The following CHTF8 variants were observed in gnomAD, a reference collection of about 807,000 sequenced individuals.
CHTF8 encodes chromosome transmission fidelity protein 8 homolog.
Under a neutral mutation model 11.0 loss-of-function variants are expected in CHTF8, and 6 were observed. The observed-to-expected ratio is 0.55, with a 90% confidence interval of 0.30 to 1.08. The LOEUF (loss-of-function observed/expected upper bound fraction) is 1.08. Among genes scored for constraint, CHTF8 ranks in the 50% least tolerant of loss-of-function variants. The pLI, the probability that CHTF8 is intolerant of heterozygous loss-of-function variation, is 0.07. For missense variants in CHTF8, 140 were observed against 153.1 expected (o/e 0.91, Z 0.45); for synonymous variants, 53 against 60.5 (o/e 0.88, Z 0.57).
chr16:69,130,041 T>C (rs1452398573), intron 1 of CHTF8, among the ~76,000 whole-genome samples: 1 of 152,254 alleles, frequency 6.6e-6, no homozygotes, highest in African/African-American at 2.4e-5. Flanking sequence ...CAAGTATTCA[T>C]TTTAATCTTC....
At chr16:69,125,003 C>G (rs1961956460) in intron 1 of CHTF8, among the ~76,000 whole-genome samples, 1 of 152,066 alleles carries the variant, frequency 6.6e-6, no homozygotes. Flanking sequence ...CTCCCGAATT[C>G]AAGCAATTCT....
rs145039382 is a variant in CHTF8 at position 69,127,394 on chromosome 16, TAAG to T, written c.-36+5087_-36+5089del. On this transcript the variant is annotated intron_variant, in intron 1 of 3. Transcript: ENST00000448552. The stretch of plus-strand genomic sequence containing the variant: ...AGCATAACAATGGAAATTATCTGTA[TAAG>T]AAGAATATGTCTAAGTCTTCAGTCT... Among the ~76,000 whole-genome samples the T allele has an allele frequency of 4.9e-3, 749 of 152,168 alleles. 23 individuals are homozygous for T. The East Asian group carries it at 0.07, about 14-fold the overall frequency.
chr16:69,131,804 T>C (rs1962544840), intron 1 of CHTF8, among the ~76,000 whole-genome samples: 1 of 151,398 alleles, frequency 6.6e-6, no homozygotes. Context: ...GGTTCTCAAG[T>C]ACTCCACTCC....
intron 1 of CHTF8, among the ~76,000 whole-genome samples, chr16:69,127,988 C>G (rs1962203521): frequency 6.6e-6 from 1 of 151,906 alleles, no homozygotes; most frequent in South Asian, 2.1e-4. Context: ...AATCTCGGCT[C>G]ACTGCAACCT....
In CHTF8 at chr16:69,121,483, G is replaced by A. The variant is rs1048366961; in HGVS notation, c.-25C>T. On this transcript the variant is annotated 5_prime_UTR_variant, in exon 2 of 4. Transcript: ENST00000448552. ...TGAGCTTTCTGTCTTTAAAAAGCAA[G>A]TGAAAACAAGCTGTAGAGAGAAAAA... The A allele has an allele frequency of 3.6e-5, 57 of 1,594,150 alleles. No homozygotes were observed. The highest frequency in any genetic ancestry group is 4.5e-5 in the East Asian group (2 of 44,794).
At chr16:69,124,797 G>A (rs1961936869) in intron 1 of CHTF8, among the ~76,000 whole-genome samples, 1 of 152,166 alleles carries the variant, frequency 6.6e-6, no homozygotes, top group Non-Finnish European at 1.5e-5. Flanking sequence ...CACTGTGCAA[G>A]CTTGAGATTT....
intron 1 of CHTF8, among the ~76,000 whole-genome samples, chr16:69,125,686 A>C (rs1001282816): frequency 6.6e-6 from 1 of 152,214 alleles, no homozygotes; most frequent in South Asian, 2.1e-4. Context: ...AACATTTCCA[A>C]AAGAGGCCCC....
intron 1 of CHTF8, among the ~76,000 whole-genome samples, chr16:69,124,968 G>A (rs748308321): frequency 4.6e-5 from 7 of 151,852 alleles, no homozygotes; most frequent in African/African-American, 9.7e-5. Context: ...GCAATGGCGC[G>A]ATCTCGGCTC....
intron 1 of CHTF8, among the ~76,000 whole-genome samples, chr16:69,125,761 A>G (rs138294089): frequency 4.2e-4 from 64 of 152,366 alleles, no homozygotes; most frequent in Middle Eastern, 3.4e-3. Context: ...TTGAAGAAGG[A>G]TAACAATTTA....
intron 1 of CHTF8, among the ~76,000 whole-genome samples, chr16:69,125,151 G>A (rs776227375): frequency 9.2e-5 from 14 of 152,080 alleles, no homozygotes; most frequent in Non-Finnish European, 1.2e-4. Context: ...TGATACGCCC[G>A]CGTTGCCCTC....
chr16:69,130,638 G>A (rs186131348), intron 1 of CHTF8, among the ~76,000 whole-genome samples: 47 of 152,302 alleles, frequency 3.1e-4, no homozygotes, highest in African/African-American at 1.1e-3. Context: ...AAAGGCTGTT[G>A]CAAGAACGAG....
At chr16:69,126,495 C>G (rs1319696240) in intron 1 of CHTF8, among the ~76,000 whole-genome samples, 1 of 152,216 alleles carries the variant, frequency 6.6e-6, no homozygotes, top group African/African-American at 2.4e-5. Flanking sequence ...TACCAGACAT[C>G]TAGCAATGCT....
chr16:69,130,563 T>C (rs1217323391), intron 1 of CHTF8, among the ~76,000 whole-genome samples: 2 of 152,208 alleles, frequency 1.3e-5, no homozygotes, highest in East Asian at 3.8e-4. Context: ...ATCCCATATG[T>C]GACAGTGGGT....
chr16:69,119,572 C>G lies in CHTF8; in HGVS notation c.*853G>C. The G allele has an allele frequency of 1.4e-6, 1 of 702,494 alleles. No individual in the cohort carries two copies. Among genetic ancestry groups the G allele is most frequent in the African/African-American group, 1.7e-5 (1 of 57,320 alleles). 43.5% of individuals were successfully genotyped at this position (702,494 alleles called of 1,614,324 possible). On this transcript the variant is annotated 3_prime_UTR_variant, in exon 4 of 4. Coordinates refer to ENST00000448552, the MANE Select transcript of CHTF8 (RefSeq NM_001039690.5). ...CTGTGAGAAAGAAGCTGAATTTGCT[C>G]CTAAAAGACCTGCTGCTCTTAGAAT...
chr16:69,127,295 A>G (rs1417105474), intron 1 of CHTF8, among the ~76,000 whole-genome samples: 1 of 151,970 alleles, frequency 6.6e-6, no homozygotes, highest in Non-Finnish European at 1.5e-5. Flanking sequence ...CATCCCCTTG[A>G]GAGTAGACAG....
intron 1 of CHTF8, among the ~76,000 whole-genome samples, chr16:69,122,365 C>CTT (rs869246617): frequency 1.2e-4 from 17 of 140,430 alleles, no homozygotes; most frequent in Non-Finnish European, 1.7e-4. Flanking sequence ...TAAGGATATT[C>CTT]TTTTTTTTTT....
Position 69,120,625 on chromosome 16 carries a change from G to A in CHTF8, c.166C>T (p.His56Tyr), listed in dbSNP as rs772518410. ...ATGATTTTCCCATACAGGATATGATGCCCCACGATCAGCACAGGGATTCCC... is the reference window on the plus strand; with the variant it reads ...ATGATTTTCCCATACAGGATATGATACCCCACGATCAGCACAGGGATTCCC... ...TEGIPVLIVG[H>Y]HILYGKIIHL... The change falls in exon 4 of 4, where the codon CAT becomes TAT. Residue 56 changes from histidine to tyrosine, a missense_variant. His to Tyr is a moderately conservative substitution (Grantham distance 83). Coordinates refer to ENST00000448552, the MANE Select transcript of CHTF8 (RefSeq NM_001039690.5). This position sits in a 1 kb window ranked among gnomAD's most constrained non-coding sequence, Gnocchi z 4.0. 1 of 1,612,714 alleles carries A rather than the reference G, an allele frequency of 6.2e-7. No individual in the cohort carries two copies. Among genetic ancestry groups the A allele is most frequent in the Non-Finnish European group, 8.5e-7 (1 of 1,178,852 alleles).
chr16:69,132,061 C>G lies in CHTF8; in HGVS notation c.-36+423G>C, dbSNP rs1165810434. The G allele has an allele frequency of 3.2e-5, 5 of 153,868 alleles. No homozygotes were observed. The Admixed American group carries it at 3.3e-4, about 10-fold the overall frequency. 9.5% of individuals were successfully genotyped at this position (153,868 alleles called of 1,614,324 possible). On this transcript the variant is annotated intron_variant, in intron 1 of 3. Coordinates refer to ENST00000448552, the MANE Select transcript of CHTF8 (RefSeq NM_001039690.5). Reference sequence around the variant, plus strand: ...ATAGCGGGCTGGGCTCCCTCCCAACCCCGGGAAGAGCCCCTTCCCGCACGT... The same window carrying G: ...ATAGCGGGCTGGGCTCCCTCCCAACGCCGGGAAGAGCCCCTTCCCGCACGT...
In CHTF8 at chr16:69,132,551, T is replaced by C. The variant is rs1567597586; in HGVS notation, c.-103A>G. 1.1e-5 allele frequency: 4 copies of C among 364,434 alleles called. No homozygotes were observed. The highest frequency in any genetic ancestry group is 4.5e-5 in the African/African-American group (2 of 43,958). 22.6% of individuals were successfully genotyped at this position (364,434 alleles called of 1,614,324 possible). On this transcript the variant is annotated 5_prime_UTR_variant, in exon 1 of 4. Transcript: ENST00000448552. ...GCGACAACCGAACCTCCCGCCGCCG[T>C]CGCCGCCGCCGCGAGCACTGCCTGC...
Sources: allele counts gnomAD v4.1 joint callset (sites outside exome capture counted in the v4.1 genomes callset), GRCh38; gene constraint gnomAD v4.1.1; non-coding constraint Gnocchi (gnomAD v3.1); transcripts MANE v1.5; gene names NCBI Gene and HGNC (gene_info 2026-07-23, HGNC 2026-07-21).